TMEM74: variants seen among roughly 807,000 people sequenced by gnomAD.
TMEM74 encodes transmembrane protein 74.
In TMEM74, 13 loss-of-function variants were observed where a neutral mutation model predicts 18.1. The observed-to-expected ratio is 0.72, with a 90% confidence interval of 0.47 to 1.14. TMEM74 has a LOEUF of 1.14. TMEM74 is among the 50% of genes most tolerant of loss of function. The pLI, the probability that TMEM74 is intolerant of heterozygous loss-of-function variation, is 0.00. For missense variants in TMEM74, 372 were observed against 375.9 expected (o/e 0.99, Z 0.09); for synonymous variants, 159 against 146.6 (o/e 1.08, Z -0.61).
chr8:108,696,854 T>C (rs1813285804), intron 1 of TMEM74, among the ~76,000 whole-genome samples: 1 of 152,216 alleles, frequency 6.6e-6, no homozygotes, highest in Admixed American at 6.5e-5. Context: ...CAGGCCTTAT[T>C]TGTGTTCATT....
chr8:108,768,123 C>A (rs1008522278), intron 1 of TMEM74, among the ~76,000 whole-genome samples: 1 of 152,126 alleles, frequency 6.6e-6, no homozygotes, highest in African/African-American at 2.4e-5. Flanking sequence ...GACCATTAGC[C>A]ATCTTCACTT....
At chr8:108,642,193 G>A (rs148052270) in intron 2 of TMEM74, among the ~76,000 whole-genome samples, 1 of 152,166 alleles carries the variant, frequency 6.6e-6, no homozygotes, top group Non-Finnish European at 1.5e-5. Context: ...TAGATCAGGA[G>A]TTTGAGACCA....
chr8:108,617,784 A>G (rs576405000), intron 2 of TMEM74, among the ~76,000 whole-genome samples: 217 of 152,138 alleles, frequency 1.4e-3, no homozygotes, highest in Middle Eastern at 6.8e-3. Flanking sequence ...AAAAATATAA[A>G]ATAAAAATTT....
intron 2 of TMEM74, among the ~76,000 whole-genome samples, chr8:108,608,987 TA>T (rs1243724532): frequency 6.6e-6 from 1 of 152,086 alleles, no homozygotes; most frequent in South Asian, 2.1e-4. Context: ...AACAAACAAA[TA>T]AAAAAATAAA....
chr8:108,705,473 A>G (rs567532170), intron 1 of TMEM74, among the ~76,000 whole-genome samples: 1 of 152,292 alleles, frequency 6.6e-6, no homozygotes, highest in East Asian at 1.9e-4. Context: ...CCTCTAGCCC[A>G]TATGGTTCTT....
chr8:108,623,832 C>T (rs1266323272), intron 2 of TMEM74, among the ~76,000 whole-genome samples: 2 of 152,022 alleles, frequency 1.3e-5, no homozygotes, highest in African/African-American at 4.8e-5. Flanking sequence ...TTTACAACTG[C>T]TATTGCTGTC....
At chr8:108,786,713 A>C (rs1814389963) in intron 1 of TMEM74, among the ~76,000 whole-genome samples, 1 of 152,234 alleles carries the variant, frequency 6.6e-6, no homozygotes, top group African/African-American at 2.4e-5. Context: ...AACAGGCTTC[A>C]TCAATTACCG....
At chr8:108,607,063 C>T (rs1812280714) in exon 4 of TMEM74, 1 of 152,284 alleles carries the variant, frequency 6.6e-6, no homozygotes, top group African/African-American at 2.4e-5. Context: ...AGAGCCTTTC[C>T]ACTTGGCTTG....
intron 1 of TMEM74, among the ~76,000 whole-genome samples, chr8:108,677,451 C>T (rs1586257074): frequency 6.6e-6 from 1 of 151,844 alleles, no homozygotes; most frequent in African/African-American, 2.4e-5. Context: ...GTAAAATATT[C>T]TTTAAAAGAT....
intron 2 of TMEM74, among the ~76,000 whole-genome samples, chr8:108,644,978 C>T (rs568802561): frequency 1.3e-5 from 2 of 152,164 alleles, no homozygotes; most frequent in South Asian, 2.1e-4. Flanking sequence ...GACTACCATT[C>T]GACCCAACAA....
rs541832429 is a variant in TMEM74, at chr8:108,761,824, CA to C, written n.119+25651del. Among the ~76,000 whole-genome samples the C allele has an allele frequency of 4.6e-5, 7 of 151,994 alleles. No homozygotes were observed. The South Asian group carries it at 1.5e-3, about 32-fold the overall frequency. On this transcript the variant is annotated intron_variant and non_coding_transcript_variant, in intron 1 of 3. Transcript: ENST00000518838. ...TGAAATATATTTCAAGGGTTTATTA[CA>C]AAAAATATACAAATAGCTCTCTGTT...
chr8:108,752,505 G>T (rs930234415), intron 1 of TMEM74, among the ~76,000 whole-genome samples: 1 of 152,138 alleles, frequency 6.6e-6, no homozygotes, highest in Non-Finnish European at 1.5e-5. Flanking sequence ...TGTCACTGCA[G>T]CAAGTATGCT....
chr8:108,722,019 A>T (rs781577528), intron 1 of TMEM74, among the ~76,000 whole-genome samples: 1 of 152,230 alleles, frequency 6.6e-6, no homozygotes, highest in Non-Finnish European at 1.5e-5. Context: ...TGTTGAACAC[A>T]AGAAATCTTT....
intron 1 of TMEM74, among the ~76,000 whole-genome samples, chr8:108,708,337 C>G (rs954297110): frequency 6.6e-6 from 1 of 151,024 alleles, no homozygotes; most frequent in Non-Finnish European, 1.5e-5. Context: ...AGTGCTGCAA[C>G]GAACATACAC....
chr8:108,637,825 A>G (rs1005066979), intron 2 of TMEM74, among the ~76,000 whole-genome samples: 1 of 152,194 alleles, frequency 6.6e-6, no homozygotes, highest in Non-Finnish European at 1.5e-5. Context: ...TAAGGATCCA[A>G]TATTTCAGGG....
At chr8:108,682,612 A>C (rs1371798776) in intron 1 of TMEM74, among the ~76,000 whole-genome samples, 1 of 152,060 alleles carries the variant, frequency 6.6e-6, no homozygotes, top group Non-Finnish European at 1.5e-5. Flanking sequence ...TGAATAAATA[A>C]ATGAAGAAAA....
At chr8:108,717,628 A>G (rs1563534000) in intron 1 of TMEM74, among the ~76,000 whole-genome samples, 1 of 152,150 alleles carries the variant, frequency 6.6e-6, no homozygotes, top group Non-Finnish European at 1.5e-5. Flanking sequence ...AATTTTAAAC[A>G]GAATGATTAA....
At chr8:108,730,074 A>G (rs1252053166) in intron 1 of TMEM74, among the ~76,000 whole-genome samples, 1 of 152,236 alleles carries the variant, frequency 6.6e-6, no homozygotes, top group Non-Finnish European at 1.5e-5. Context: ...TGCCTGAATA[A>G]AAGCCTTTGT....
chr8:108,616,455 A>G (rs1812384693), intron 2 of TMEM74, among the ~76,000 whole-genome samples: 1 of 152,170 alleles, frequency 6.6e-6, no homozygotes, highest in Non-Finnish European at 1.5e-5. Context: ...ATTTTATTAG[A>G]TGATTTTTGT....
Sources: gnomAD v4.1 joint callset for allele counts (sites outside exome capture counted in the v4.1 genomes callset) on GRCh38, gnomAD v4.1.1 for gene constraint, MANE v1.5 for transcripts, NCBI Gene and HGNC (gene_info 2026-07-23, HGNC 2026-07-21) for gene names.